CDH2: variants seen among roughly 807,000 people sequenced by gnomAD.
The protein encoded by CDH2 is cadherin-2.
A neutral mutation model predicts 92.0 loss-of-function variants in CDH2; 17 were observed. The ratio of observed to expected loss-of-function variants is 0.18; its 90% CI spans 0.13 to 0.28. The LOEUF is 0.28. CDH2 is among the 10% of genes least tolerant of loss of function. The pLI, the probability that CDH2 is intolerant of heterozygous loss-of-function variation, is 1.00. For missense variants in CDH2, 862 were observed against 1,133.1 expected, an observed-to-expected ratio of 0.76 and a Z score of 3.44; for synonymous variants, 419 against 415.9, an observed-to-expected ratio of 1.01 and a Z score of -0.09.
chr18:28,099,948 GT>G (rs949456192), intron 2 of CDH2, among the ~76,000 whole-genome samples: 18 of 151,598 alleles, frequency 1.2e-4, no homozygotes, highest in South Asian at 6.2e-4. Context: ...AAAAACAGAA[GT>G]TTTTTTTTAT....
At chr18:28,120,641 C>A (rs1441723225) in intron 2 of CDH2, among the ~76,000 whole-genome samples, 1 of 151,954 alleles carries the variant, frequency 6.6e-6, no homozygotes, top group Non-Finnish European at 1.5e-5. Flanking sequence ...ATGAACAGTA[C>A]TATAAAACAC....
intron 2 of CDH2, among the ~76,000 whole-genome samples, chr18:28,022,746 G>A (rs2013445110): frequency 6.6e-6 from 1 of 152,082 alleles, no homozygotes; most frequent in Non-Finnish European, 1.5e-5. Context: ...AACATTCACA[G>A]GGATTGCTCT....
intron 2 of CDH2, among the ~76,000 whole-genome samples, chr18:28,059,454 G>T (rs1360180887): frequency 6.6e-6 from 1 of 152,214 alleles, no homozygotes; most frequent in Non-Finnish European, 1.5e-5. Context: ...CATGAGACAA[G>T]TAGCTGGGTT....
chr18:28,135,840 C>A (rs1180737775), intron 2 of CDH2, among the ~76,000 whole-genome samples: 1 of 152,130 alleles, frequency 6.6e-6, no homozygotes, highest in Non-Finnish European at 1.5e-5. Flanking sequence ...GCCTTGAAAA[C>A]CATGCAGAAA....
intron 14 of CDH2, among the ~76,000 whole-genome samples, chr18:27,973,224 A>AT (rs1327410381): frequency 7.5e-6 from 1 of 132,478 alleles, no homozygotes; most frequent in Non-Finnish European, 1.7e-5. Flanking sequence ...CACAACTCAC[A>AT]TAAAAAAATC....
chr18:27,939,040 T>C (rs537681605), intron 6 of CDH2, among the ~76,000 whole-genome samples: 11 of 152,376 alleles, frequency 7.2e-5, no homozygotes, highest in African/African-American at 2.6e-4. Context: ...GTGGGCCTTC[T>C]GGATCAGATG....
At chr18:28,153,026 TATA>T (rs1320384410) in intron 1 of CDH2, among the ~76,000 whole-genome samples, 2 of 152,108 alleles carry the variant, frequency 1.3e-5, no homozygotes, top group African/African-American at 4.8e-5. Context: ...ATTGCAAAAC[TATA>T]ATGTCAGGAA....
Position 27,963,425 on chromosome 18 carries a change from C to T in CDH2, c.2446G>A (p.Ala816Thr), listed in dbSNP as rs773655778. The T allele has an allele frequency of 5.0e-6, 8 of 1,613,872 alleles. No individual in the cohort carries two copies. Among genetic ancestry groups the T allele is most frequent in the African/African-American group, 2.7e-5 (2 of 74,896 alleles). Residue 816 changes from alanine (A) to threonine (T), a missense_variant, in exon 15 of 16, where the codon GCC (alanine) becomes ACC (threonine). Around this residue, in one of 5 missense-constraint regions of CDH2, gnomAD observed 114 missense variants for 144.8 expected, o/e 0.79. Coordinates refer to ENST00000269141, the MANE Select transcript of CDH2 (RefSeq NM_001792.5). ...IRRMDERPIH[A>T]EPQYPVRSAA... The stretch of plus-strand genomic sequence containing the variant: ...GATCGGACCGGATACTGGGGCTCGG[C>T]GTGGATGGGTCTTTCATCCATTCGT...
chr18:27,989,748 T>C (rs1473895295), intron 10 of CDH2, among the ~76,000 whole-genome samples: 1 of 152,158 alleles, frequency 6.6e-6, no homozygotes, highest in Non-Finnish European at 1.5e-5. Flanking sequence ...GAGAGATAAA[T>C]GTTATAAGCC....
At chr18:28,104,985 A>G (rs1054803001) in intron 2 of CDH2, among the ~76,000 whole-genome samples, 3 of 151,854 alleles carry the variant, frequency 2.0e-5, no homozygotes, top group African/African-American at 7.3e-5. Context: ...TAGAAATGTT[A>G]TATCATGTTT....
At chr18:27,958,580 TAC>T (rs1167253406) in intron 15 of CDH2, among the ~76,000 whole-genome samples, 1 of 150,424 alleles carries the variant, frequency 6.6e-6, no homozygotes, top group Non-Finnish European at 1.5e-5. Context: ...TATTTGTATA[TAC>T]ACATATATAA....
intron 2 of CDH2, among the ~76,000 whole-genome samples, chr18:28,096,764 G>A (rs2015142262): frequency 6.6e-6 from 1 of 152,158 alleles, no homozygotes; most frequent in South Asian, 2.1e-4. Flanking sequence ...ACAAAAATTT[G>A]TTATGAGGAT....
intron 11 of CDH2, among the ~76,000 whole-genome samples, chr18:27,987,263 T>A (rs2012265067): frequency 6.6e-6 from 1 of 152,198 alleles, no homozygotes; most frequent in Admixed American, 6.5e-5. Context: ...CAAAAAAGCA[T>A]AAAACAGGTA....
intron 6 of CDH2, among the ~76,000 whole-genome samples, chr18:27,941,184 C>T (rs1381407670): frequency 2.6e-5 from 4 of 151,970 alleles, no homozygotes; most frequent in Non-Finnish European, 4.4e-5. Flanking sequence ...TACAGGCACC[C>T]GCCACCACGC....
chr18:28,034,516 G>A (rs1279486481), intron 2 of CDH2, among the ~76,000 whole-genome samples: 1 of 151,888 alleles, frequency 6.6e-6, no homozygotes, highest in Non-Finnish European at 1.5e-5. Context: ...ACAGATGAAA[G>A]AGCAGCAATT....
intron 1 of CDH2, among the ~76,000 whole-genome samples, chr18:28,156,641 GC>G (rs1304041319): frequency 1.8e-5 from 1 of 55,546 alleles, no homozygotes; most frequent in Non-Finnish European, 3.5e-5. Context: ...CCCAGGTGCA[GC>G]ATGTCACCTT....
intron 2 of CDH2, among the ~76,000 whole-genome samples, chr18:28,065,254 T>A (rs2014484942): frequency 6.6e-6 from 1 of 152,112 alleles, no homozygotes; most frequent in Non-Finnish European, 1.5e-5. Context: ...TGTGACAAGA[T>A]CTAAGCCAAG....
At chr18:28,015,987 G>A (rs990008892) in intron 2 of CDH2, among the ~76,000 whole-genome samples, 1 of 152,140 alleles carries the variant, frequency 6.6e-6, no homozygotes, top group African/African-American at 2.4e-5. Context: ...CACCCCACAG[G>A]CTCAAATTCT....
At chr18:27,993,350 G>T in intron 8 of CDH2, 150 bp downstream of exon 8, 1 of 717,984 alleles carries the variant, frequency 1.4e-6, no homozygotes, top group Non-Finnish European at 2.3e-6. Context: ...CTCACGTAAG[G>T]CCCTGATGAC....
Sources: allele counts gnomAD v4.1 joint callset (sites outside exome capture counted in the v4.1 genomes callset), GRCh38; gene constraint gnomAD v4.1.1; regional missense constraint gnomAD v4.1.1; transcripts MANE v1.5; gene names NCBI Gene and HGNC (gene_info 2026-07-23, HGNC 2026-07-21).